Variants in GALNT2 observed in about 807,000 individuals in gnomAD.
The protein encoded by GALNT2 is polypeptide N-acetylgalactosaminyltransferase 2.
Under a neutral mutation model 81.4 loss-of-function variants are expected in GALNT2, and 31 were observed. That is an observed-to-expected ratio of 0.38 (90% CI 0.29 to 0.51). GALNT2 has a LOEUF of 0.51. Among genes scored for constraint, GALNT2 ranks in the 20% least tolerant of loss-of-function variants. The pLI is 0.87. For synonymous variants in GALNT2, 303 were observed against 287.4 expected (o/e 1.05, Z -0.55); for missense variants, 629 against 765.7 (o/e 0.82, Z 2.11).
At chr1:230,265,740 A>T (rs1420527911) in intron 14 of GALNT2, among the ~76,000 whole-genome samples, 2 of 152,084 alleles carry the variant, frequency 1.3e-5, no homozygotes, top group Non-Finnish European at 2.9e-5. Context: ...TGATGTCTAC[A>T]CCTCCTGCCT....
At chr1:230,110,674 A>G (rs1011483935) in intron 1 of GALNT2, among the ~76,000 whole-genome samples, 2 of 144,186 alleles carry the variant, frequency 1.4e-5, no homozygotes. Context: ...GACTTTTTCT[A>G]TGCCTAAGCC....
At chr1:230,156,725 TTGG>T (rs1662270526) in intron 1 of GALNT2, among the ~76,000 whole-genome samples, 2 of 151,888 alleles carry the variant, frequency 1.3e-5, no homozygotes, top group Non-Finnish European at 1.5e-5. Context: ...GGTAAGCAAG[TTGG>T]TGGTGGTTTT....
intron 1 of GALNT2, among the ~76,000 whole-genome samples, chr1:230,061,047 A>G (rs1659034717): frequency 6.6e-6 from 1 of 152,132 alleles, no homozygotes; most frequent in Non-Finnish European, 1.5e-5. Flanking sequence ...GAACTCTTAC[A>G]GTGGAGAATG....
upstream of GALNT2, among the ~76,000 whole-genome samples, chr1:230,064,567 CT>C (rs1198928187): frequency 1.3e-5 from 2 of 152,232 alleles, no homozygotes; most frequent in African/African-American, 4.8e-5. Flanking sequence ...GTCACCCAGG[CT>C]GGAGTGCAAT....
At position 230,281,936 on chromosome 1, in the gene GALNT2, C is replaced by T. The variant is rs749564432; in HGVS notation, c.*2478C>T. On this transcript the variant is annotated 3_prime_UTR_variant, in exon 16 of 16. Coordinates refer to ENST00000366672, the MANE Select transcript of GALNT2 (RefSeq NM_004481.5). The stretch of plus-strand genomic sequence containing the variant: ...CTCTGTGCTGGTCCTTTCTTATGTC[C>T]TCATAAAAGCTCAGATGATGGTATC... 6.6e-6 allele frequency: 1 copy of T among 152,348 alleles called. No individual in the cohort carries two copies. Among genetic ancestry groups the T allele is most frequent in the African/African-American group, 2.4e-5 (1 of 41,428 alleles). 9.4% of individuals were successfully genotyped at this position (152,348 alleles called of 1,614,324 possible). A position where few individuals can be genotyped will look rare whatever the true frequency, so the allele number is the denominator to read the frequency against.
chr1:230,156,210 G>GGAGA (rs750570856), intron 1 of GALNT2, among the ~76,000 whole-genome samples: 2 of 72,818 alleles, frequency 2.7e-5, no homozygotes, highest in South Asian at 4.1e-4. Context: ...AGCAGACGAG[G>GGAGA]GAGAGAGAGA....
chr1:230,107,359 G>T (rs4846897), intron 1 of GALNT2, among the ~76,000 whole-genome samples: 25,877 of 152,096 alleles, frequency 0.17, 2,502 homozygotes, highest in South Asian at 0.28. Context: ...GATCACTTGA[G>T]CCCAGGAGTT....
chr1:230,224,407 G>A (rs368734169), intron 3 of GALNT2, among the ~76,000 whole-genome samples: 69 of 152,298 alleles, frequency 4.5e-4, no homozygotes, highest in African/African-American at 1.5e-3. Flanking sequence ...TGCAGCCCTC[G>A]GAGGGCATGA....
chr1:230,067,325 G>T lies in GALNT2; in HGVS notation c.45G>T (p.Trp15Cys). 2 of 1,389,758 alleles carry T rather than the reference G, an allele frequency of 1.4e-6. No individual in the cohort carries two copies. The highest frequency in any genetic ancestry group is 3.3e-5 in the East Asian group (1 of 30,578). The allele number at this position is 1,389,758 out of a possible 1,614,324, so 86.1% of individuals were successfully genotyped here. Reference sequence around the variant, plus strand: ...TGCTGCTCTGCTTCGCCTTCCTGTGGGTGCTGGGCATCGCCTACTACATGT... The same window carrying T: ...TGCTGCTCTGCTTCGCCTTCCTGTGTGTGCTGGGCATCGCCTACTACATGT... ...SRMLLCFAFL[W>C]VLGIAYYMYS... is the part of the protein sequence containing the mutation. Residue 15 changes from tryptophan (W) to cysteine (C), a missense_variant, in exon 1 of 16, where the codon TGG becomes TGT. Around this residue, in one of 3 missense-constraint regions of GALNT2, gnomAD observed 62 missense variants for 47.3 expected, o/e 1.31. Coordinates refer to ENST00000366672, the MANE Select transcript of GALNT2 (RefSeq NM_004481.5).
At position 230,215,622 on chromosome 1, in the gene GALNT2, C is replaced by T. The variant is rs114390690; in HGVS notation, c.374+12332C>T. 3.8e-3 allele frequency among the ~76,000 whole-genome samples: 585 copies of T among 152,308 alleles called. 7 individuals carry two copies. Among genetic ancestry groups the T allele is most frequent in the African/African-American group, 0.014 (566 of 41,572 alleles). The stretch of plus-strand genomic sequence containing the variant: ...TTTTGCCCTGAGCAATAATGTCTAT[C>T]TCGAAGGAGAGTAAATGGAAATACA... On this transcript the variant is annotated intron_variant, in intron 3 of 15. Coordinates refer to ENST00000366672, the MANE Select transcript of GALNT2 (RefSeq NM_004481.5).
At chr1:230,064,490 C>G (rs1410311309), upstream of GALNT2, among the ~76,000 whole-genome samples, 1 of 152,150 alleles carries the variant, frequency 6.6e-6, no homozygotes, top group Non-Finnish European at 1.5e-5. Context: ...AACCTTGACA[C>G]TTGAGGGCTG....
Position 230,171,804 on chromosome 1 carries a change from G to A in GALNT2, c.127-6414G>A, listed in dbSNP as rs6541301. 4.5e-3 allele frequency among the ~76,000 whole-genome samples: 679 copies of A among 152,228 alleles called. 4 individuals are homozygous for A. The highest frequency in any genetic ancestry group is 0.013 in the African/African-American group (551 of 41,510). On this transcript the variant is annotated intron_variant, in intron 1 of 15. Coordinates refer to ENST00000366672, the MANE Select transcript of GALNT2 (RefSeq NM_004481.5). ...GTTTCATAATTCAAAAATGTTACCA[G>A]AGGTGGTAATTGTATTTATATTGGA...
intron 1 of GALNT2, among the ~76,000 whole-genome samples, chr1:230,116,466 G>T (rs899737572): frequency 6.6e-6 from 1 of 152,176 alleles, no homozygotes; most frequent in Admixed American, 6.5e-5. Flanking sequence ...CTGATCTCGT[G>T]ATCTACCTGC....
At chr1:230,080,620 A>G (rs1659697828) in intron 1 of GALNT2, among the ~76,000 whole-genome samples, 1 of 152,132 alleles carries the variant, frequency 6.6e-6, no homozygotes, top group African/African-American at 2.4e-5. Flanking sequence ...GTGGACAGCT[A>G]GCTCTGGGTG....
chr1:230,175,491 G>GTAAATACTGTGT (rs1558124613), intron 1 of GALNT2, among the ~76,000 whole-genome samples: 1 of 151,950 alleles, frequency 6.6e-6, no homozygotes, highest in Non-Finnish European at 1.5e-5. Flanking sequence ...TTGGCACCTC[G>GTAAATACTGTGT]TAAATACTGT....
intron 14 of GALNT2, among the ~76,000 whole-genome samples, chr1:230,273,047 A>G (rs532746214): frequency 6.6e-6 from 1 of 152,246 alleles, no homozygotes; most frequent in African/African-American, 2.4e-5. Flanking sequence ...CTGGGATTAT[A>G]GATAGGCCTG....
intron 1 of GALNT2, among the ~76,000 whole-genome samples, chr1:230,139,018 C>G (rs1243106109): frequency 6.6e-6 from 1 of 152,078 alleles, no homozygotes; most frequent in African/African-American, 2.4e-5. Flanking sequence ...CTCATTTTAC[C>G]CTATTCAAGA....
chr1:230,149,037 C>A (rs764504739), intron 1 of GALNT2, among the ~76,000 whole-genome samples: 1 of 151,422 alleles, frequency 6.6e-6, no homozygotes, highest in Admixed American at 6.6e-5. Context: ...CGTACCACCA[C>A]GCCCAGCTAA....
chr1:230,087,539 A>G (rs542187857), intron 1 of GALNT2, among the ~76,000 whole-genome samples: 7 of 152,306 alleles, frequency 4.6e-5, no homozygotes, highest in African/African-American at 1.7e-4. Context: ...ACCTGGGGAA[A>G]ACTTTGAGCT....
Sources: allele counts gnomAD v4.1 joint callset (sites outside exome capture counted in the v4.1 genomes callset), GRCh38; gene constraint gnomAD v4.1.1; regional missense constraint gnomAD v4.1.1; transcripts MANE v1.5; gene names NCBI Gene and HGNC (gene_info 2026-07-23, HGNC 2026-07-21).